The following CCSER1 variants were observed in gnomAD, a reference collection of about 807,000 sequenced individuals.
The protein encoded by CCSER1 is coiled-coil serine rich protein 1, also known as serine-rich coiled-coil domain-containing protein 1.
In CCSER1, 41 loss-of-function variants were observed where a neutral mutation model predicts 82.0. The observed-to-expected ratio is 0.50, with a 90% confidence interval of 0.39 to 0.65. The LOEUF is 0.65. Among genes scored for constraint, CCSER1 ranks in the 30% least tolerant of loss-of-function variants. The pLI, the probability that CCSER1 is intolerant of heterozygous loss-of-function variation, is 0.00. For missense variants in CCSER1, 1,119 were observed against 1,064.2 expected, an observed-to-expected ratio of 1.05 and a Z score of -0.72; for synonymous variants, 414 against 383.9, an observed-to-expected ratio of 1.08 and a Z score of -0.92.
intron 4 of CCSER1, among the ~76,000 whole-genome samples, chr4:90,449,193 G>C (rs1477714776): frequency 6.6e-6 from 1 of 152,102 alleles, no homozygotes; most frequent in East Asian, 1.9e-4. Flanking sequence ...CGTCTGCCTA[G>C]CTCCCAGCTA....
chr4:90,550,854 G>T (rs1777385190), intron 5 of CCSER1, among the ~76,000 whole-genome samples: 1 of 152,164 alleles, frequency 6.6e-6, no homozygotes, highest in Admixed American at 6.5e-5. Context: ...GGTGGCCATT[G>T]TAGTAGTTGA....
chr4:91,205,731 C>G (rs1736290711), intron 10 of CCSER1, among the ~76,000 whole-genome samples: 1 of 150,788 alleles, frequency 6.6e-6, no homozygotes, highest in Non-Finnish European at 1.5e-5. Flanking sequence ...TCCCTTTCTA[C>G]TGACTCATGT....
chr4:91,365,538 C>T (rs1749551743), intron 10 of CCSER1, among the ~76,000 whole-genome samples: 1 of 152,086 alleles, frequency 6.6e-6, no homozygotes, highest in South Asian at 2.1e-4. Context: ...TTCAGTGGTA[C>T]AGAATCAGAC....
At chr4:90,136,674 T>A (rs1027607424) in intron 1 of CCSER1, among the ~76,000 whole-genome samples, 47 of 152,354 alleles carry the variant, frequency 3.1e-4, no homozygotes, top group African/African-American at 1.1e-3. Flanking sequence ...CAAGTATCCC[T>A]TTAGAGAACT....
At chr4:91,380,569 C>G (rs991973383) in intron 10 of CCSER1, among the ~76,000 whole-genome samples, 3 of 152,044 alleles carry the variant, frequency 2.0e-5, no homozygotes, top group African/African-American at 7.2e-5. Flanking sequence ...AGGATTGCAA[C>G]CCTGCCTTTT....
chr4:91,106,064 A>G (rs1393155749), intron 10 of CCSER1, among the ~76,000 whole-genome samples: 1 of 152,210 alleles, frequency 6.6e-6, no homozygotes, highest in Non-Finnish European at 1.5e-5. Flanking sequence ...TCAGAATGTT[A>G]GATAAGGAAT....
chr4:90,674,668 T>G (rs886577289), intron 6 of CCSER1, among the ~76,000 whole-genome samples: 3 of 151,946 alleles, frequency 2.0e-5, no homozygotes, highest in Admixed American at 2.0e-4. Context: ...ACAGATAGTC[T>G]CTAGGTTGTT....
intron 10 of CCSER1, among the ~76,000 whole-genome samples, chr4:91,549,270 A>G: frequency 6.6e-6 from 1 of 151,940 alleles, no homozygotes; most frequent in African/African-American, 2.4e-5. Context: ...CATGTTGTCT[A>G]CTTTTTCTAA....
At chr4:91,054,082 T>C (rs1743230426) in intron 9 of CCSER1, among the ~76,000 whole-genome samples, 1 of 152,202 alleles carries the variant, frequency 6.6e-6, no homozygotes, top group Non-Finnish European at 1.5e-5. Context: ...GGGGGGCTTG[T>C]AGGCTTGATT....
chr4:91,494,924 C>G (rs1758724407), intron 10 of CCSER1, among the ~76,000 whole-genome samples: 1 of 151,620 alleles, frequency 6.6e-6, no homozygotes, highest in Non-Finnish European at 1.5e-5. Flanking sequence ...ACGCAGCATT[C>G]CATAGGAGGA....
intron 3 of CCSER1, among the ~76,000 whole-genome samples, chr4:90,378,560 G>A (rs183286950): frequency 1.0e-3 from 152 of 152,208 alleles, no homozygotes; most frequent in African/African-American, 3.6e-3. Context: ...AGTGGCTTTT[G>A]GAAATTACAG....
intron 9 of CCSER1, among the ~76,000 whole-genome samples, chr4:91,078,548 C>G (rs186225116): frequency 9.2e-5 from 14 of 152,342 alleles, no homozygotes; most frequent in African/African-American, 3.4e-4. Context: ...AGCTCCTCGC[C>G]AGCAATGGAA....
At chr4:90,344,912 G>A (rs952889091) in intron 3 of CCSER1, among the ~76,000 whole-genome samples, 7 of 151,938 alleles carry the variant, frequency 4.6e-5, no homozygotes, top group African/African-American at 4.8e-5. Context: ...CTACTTTCTC[G>A]TTGTGTATAA....
At chr4:90,410,734 C>T (rs1754633502) in intron 4 of CCSER1, among the ~76,000 whole-genome samples, 1 of 152,138 alleles carries the variant, frequency 6.6e-6, no homozygotes. Context: ...CAAGAGCAAA[C>T]ACATTCAACA....
chr4:91,237,797 T>C (rs921017938), intron 10 of CCSER1, among the ~76,000 whole-genome samples: 1 of 152,130 alleles, frequency 6.6e-6, no homozygotes, highest in African/African-American at 2.4e-5. Flanking sequence ...CACTGTAAAG[T>C]GTGAAATAAA....
chr4:91,325,848 G>A (rs1374182681), intron 10 of CCSER1, among the ~76,000 whole-genome samples: 1 of 152,084 alleles, frequency 6.6e-6, no homozygotes, highest in Non-Finnish European at 1.5e-5. Flanking sequence ...AACTTACACT[G>A]GTATTTTCTC....
chr4:91,200,703 C>T (rs912653073), intron 10 of CCSER1, among the ~76,000 whole-genome samples: 15 of 151,956 alleles, frequency 9.9e-5, no homozygotes, highest in African/African-American at 2.4e-4. Context: ...GATTTGTACG[C>T]GTTTGGAACA....
In CCSER1 at chr4:91,481,248, C is replaced by T. The variant is rs992146868; in HGVS notation, c.2218-117324C>T. Among the ~76,000 whole-genome samples, 3 of 151,960 alleles carry T rather than the reference C, an allele frequency of 2.0e-5. No individual in the cohort carries two copies. The South Asian group carries it at 6.2e-4, about 32-fold the overall frequency. On this transcript the variant is annotated intron_variant, in intron 10 of 10. Coordinates refer to ENST00000509176, the MANE Select transcript of CCSER1 (RefSeq NM_001145065.2). ...AAATTGGGTGGCTCAACAACAGAAACATATTTTCTTATAGTTCTGGAGATT... is the reference window on the plus strand; with the variant it reads ...AAATTGGGTGGCTCAACAACAGAAATATATTTTCTTATAGTTCTGGAGATT...
intron 7 of CCSER1, among the ~76,000 whole-genome samples, chr4:90,749,886 G>T (rs889630007): frequency 1.2e-4 from 18 of 151,860 alleles, no homozygotes; most frequent in African/African-American, 4.3e-4. Context: ...CACAATGGTT[G>T]AACTAGTTTA....
Sources: gnomAD v4.1 joint callset for allele counts (sites outside exome capture counted in the v4.1 genomes callset) on GRCh38, gnomAD v4.1.1 for gene constraint, MANE v1.5 for transcripts, NCBI Gene and HGNC (gene_info 2026-07-23, HGNC 2026-07-21) for gene names.